Variants in TBXAS1 observed in about 807,000 individuals in gnomAD.
TBXAS1 encodes the protein thromboxane A synthase 1, also known as thromboxane-A synthase.
A neutral mutation model predicts 60.7 loss-of-function variants in TBXAS1; 48 were observed. The ratio of observed to expected loss-of-function variants is 0.79; its 90% CI spans 0.63 to 1.01. TBXAS1 has a LOEUF of 1.01. Among genes scored for constraint, TBXAS1 ranks in the 50% least tolerant of loss-of-function variants. TBXAS1 has a pLI of 0.00. For synonymous variants in TBXAS1, 287 were observed against 269.7 expected (o/e 1.06, Z -0.63); for missense variants, 685 against 686.3 (o/e 1.00, Z 0.02).
intron 9 of TBXAS1, among the ~76,000 whole-genome samples, chr7:139,976,137 GC>G (rs758192271): frequency 4.6e-5 from 7 of 152,200 alleles, no homozygotes; most frequent in Non-Finnish European, 1.0e-4. Context: ...TTGGCATGCA[GC>G]CTGATTGCCC....
intron 10 of TBXAS1, 87 bp downstream of exon 10, chr7:140,007,269 C>A: frequency 8.2e-7 from 1 of 1,213,530 alleles, no homozygotes; most frequent in Non-Finnish European, 1.2e-6. Context: ...CCTCCTCCAT[C>A]AGTTACCACT....
intron 1 of TBXAS1, among the ~76,000 whole-genome samples, chr7:139,855,084 G>T (rs1159045623): frequency 6.6e-6 from 1 of 152,026 alleles, no homozygotes; most frequent in Non-Finnish European, 1.5e-5. Context: ...GAGGTGACTG[G>T]GTCATGAGGG....
intron 4 of TBXAS1, among the ~76,000 whole-genome samples, chr7:139,811,180 G>C (rs760312109): frequency 5.9e-5 from 9 of 152,200 alleles, no homozygotes; most frequent in Admixed American, 2.6e-4. Context: ...TCCTTCCACA[G>C]GGAAACATTA....
At chr7:140,011,276 CAAAA>C (rs796088893) in intron 10 of TBXAS1, among the ~76,000 whole-genome samples, 1,526 of 32,174 alleles carry the variant, frequency 0.047, 33 homozygotes, top group African/African-American at 0.14. Flanking sequence ...GACTCTGTCT[CAAAA>C]AAAACAAACA....
At chr7:139,939,629 CAAG>C (rs1013098761) in intron 5 of TBXAS1, among the ~76,000 whole-genome samples, 1 of 151,856 alleles carries the variant, frequency 6.6e-6, no homozygotes, top group African/African-American at 2.4e-5. Flanking sequence ...GGAGACCCTT[CAAG>C]AAGAAGTTGG....
intron 9 of TBXAS1, among the ~76,000 whole-genome samples, chr7:139,990,924 A>G (rs948884248): frequency 5.9e-5 from 9 of 152,046 alleles, no homozygotes; most frequent in Non-Finnish European, 1.0e-4. Context: ...AAGCCTCCCG[A>G]CGGTGCAGGC....
chr7:139,802,495 C>T (rs941760511), intron 4 of TBXAS1, among the ~76,000 whole-genome samples: 10 of 152,028 alleles, frequency 6.6e-5, no homozygotes, highest in African/African-American at 2.4e-4. Context: ...TTATAAAGGC[C>T]AGTTCCCGGC....
At chr7:139,908,144 G>A (rs529912307) in intron 3 of TBXAS1, among the ~76,000 whole-genome samples, 32 of 151,426 alleles carry the variant, frequency 2.1e-4, no homozygotes, top group Admixed American at 5.3e-4. Flanking sequence ...TTGTTTTCAG[G>A]TTCATAGAGT....
chr7:139,829,284 G>C lies in TBXAS1; in HGVS notation c.-107G>C, dbSNP rs1335831689. On this transcript the variant is annotated 5_prime_UTR_variant, in exon 1 of 13. Coordinates refer to ENST00000448866, the MANE Select transcript of TBXAS1 (RefSeq NM_001061.7). Reference sequence around the variant, plus strand: ...GGCCCACTCCATGTGATGTTTGCTTGGTTGCCTGTTCCCTTTTCTACCTGC... The same window carrying C: ...GGCCCACTCCATGTGATGTTTGCTTCGTTGCCTGTTCCCTTTTCTACCTGC... 2.1e-6 allele frequency: 2 copies of C among 964,056 alleles called. No individual in the cohort carries two copies. Among genetic ancestry groups the C allele is most frequent in the Non-Finnish European group, 1.6e-6 (1 of 614,076 alleles). The allele number at this position is 964,056 out of a possible 1,614,324, so 59.7% of individuals were successfully genotyped here.
chr7:139,967,570 G>A (rs1810883608), intron 9 of TBXAS1, among the ~76,000 whole-genome samples: 1 of 152,230 alleles, frequency 6.6e-6, no homozygotes, highest in East Asian at 1.9e-4. Context: ...GTGACTTCGA[G>A]AGGGTCATGC....
chr7:139,901,564 T>G (rs1584805931), intron 3 of TBXAS1, among the ~76,000 whole-genome samples: 1 of 152,156 alleles, frequency 6.6e-6, no homozygotes, highest in South Asian at 2.1e-4. Flanking sequence ...GAACTTTGGT[T>G]AAATATAGAG....
chr7:139,816,139 C>T (rs10227825), intron 4 of TBXAS1, among the ~76,000 whole-genome samples: 16 of 152,136 alleles, frequency 1.1e-4, no homozygotes, highest in African/African-American at 3.1e-4. Context: ...TCTCTCCTGC[C>T]GCCTTGTGAA....
At chr7:139,788,304 T>G (rs544528249) in intron 4 of TBXAS1, among the ~76,000 whole-genome samples, 1 of 152,398 alleles carries the variant, frequency 6.6e-6, no homozygotes, top group African/African-American at 2.4e-5. Context: ...CTGCTATATC[T>G]GCATAGTATT....
At chr7:139,978,152 T>G (rs990328789) in intron 9 of TBXAS1, among the ~76,000 whole-genome samples, 10 of 152,300 alleles carry the variant, frequency 6.6e-5, no homozygotes, top group Non-Finnish European at 1.3e-4. Context: ...CATGTTTTTC[T>G]CAAGCAGTGA....
At chr7:139,977,510 C>G (rs1185931976) in intron 9 of TBXAS1, among the ~76,000 whole-genome samples, 1 of 152,148 alleles carries the variant, frequency 6.6e-6, no homozygotes, top group Admixed American at 6.5e-5. Flanking sequence ...GGTGAGGACA[C>G]AGCCAAACCA....
intron 1 of TBXAS1, among the ~76,000 whole-genome samples, chr7:139,838,907 AC>A (rs1799244943): frequency 6.6e-6 from 1 of 152,224 alleles, no homozygotes; most frequent in South Asian, 2.1e-4. Context: ...CGATTAACAC[AC>A]AAGATAACAC....
chr7:139,878,728 C>T (rs1038518519), intron 3 of TBXAS1, among the ~76,000 whole-genome samples: 10 of 152,294 alleles, frequency 6.6e-5, no homozygotes, highest in Admixed American at 4.6e-4. Flanking sequence ...AGCAAAGACC[C>T]TTCTTGCAGA....
intron 3 of TBXAS1, among the ~76,000 whole-genome samples, chr7:139,904,998 TCTTTCTC>T (rs1359225097): frequency 0.066 from 6,110 of 92,632 alleles, 209 homozygotes; most frequent in African/African-American, 0.11. Context: ...TCTCTTTCTC[TCTTTCTC>T]TCTTTCTTTC....
At chr7:139,925,638 A>T (rs959596714) in intron 4 of TBXAS1, among the ~76,000 whole-genome samples, 3 of 152,182 alleles carry the variant, frequency 2.0e-5, no homozygotes, top group Non-Finnish European at 4.4e-5. Flanking sequence ...CGTTTATTTC[A>T]TTCTCTTGAC....
Sources: allele counts gnomAD v4.1 joint callset (sites outside exome capture counted in the v4.1 genomes callset), GRCh38; gene constraint gnomAD v4.1.1; transcripts MANE v1.5; gene names NCBI Gene and HGNC (gene_info 2026-07-23, HGNC 2026-07-21).